GALNT13: variants seen among roughly 807,000 people sequenced by gnomAD.
GALNT13 encodes UDP-GalNAc:polypeptide N-acetylgalactosaminyltransferase 13.
In GALNT13, 28 loss-of-function variants were observed where a neutral mutation model predicts 64.2. The observed-to-expected ratio is 0.44, with a 90% CI of 0.32 to 0.60. The LOEUF (loss-of-function observed/expected upper bound fraction) is 0.60. GALNT13 is among the 20% of genes least tolerant of loss of function. The pLI is 0.05. For synonymous variants in GALNT13, 214 were observed against 224.6 expected (o/e 0.95, Z 0.42); for missense variants, 577 against 669.8 (o/e 0.86, Z 1.53).
At chr2:154,094,000 A>G (rs925519099) in intron 3 of GALNT13, among the ~76,000 whole-genome samples, 1 of 151,744 alleles carries the variant, frequency 6.6e-6, no homozygotes, top group African/African-American at 2.4e-5. Flanking sequence ...CATATTTCCT[A>G]TCTGTGGAGA....
chr2:153,114,165 T>G, the GALNT13 span, among the ~76,000 whole-genome samples: 1 of 152,092 alleles, frequency 6.6e-6, no homozygotes, highest in Non-Finnish European at 1.5e-5. Context: ...GAGATGATGC[T>G]TGACCTGCCT....
At chr2:153,511,552 A>G in the GALNT13 span, among the ~76,000 whole-genome samples, 1 of 152,166 alleles carries the variant, frequency 6.6e-6, no homozygotes. Flanking sequence ...TCTAGGAAAA[A>G]GGGAAAGTTA....
chr2:154,041,109 G>T, intron 3 of GALNT13, among the ~76,000 whole-genome samples: 1 of 139,902 alleles, frequency 7.1e-6, no homozygotes, highest in South Asian at 2.3e-4. Flanking sequence ...GATGAATAAG[G>T]ATAAGAAATT....
chr2:153,213,067 A>G, the GALNT13 span, among the ~76,000 whole-genome samples: 1 of 152,224 alleles, frequency 6.6e-6, no homozygotes, highest in African/African-American at 2.4e-5. Context: ...TGTATCGAGT[A>G]CCTACTATGG....
chr2:153,523,907 TTAAG>T, the GALNT13 span, among the ~76,000 whole-genome samples: 1 of 152,214 alleles, frequency 6.6e-6, no homozygotes, highest in African/African-American at 2.4e-5. Flanking sequence ...TTTCTCACTA[TTAAG>T]TATGATGTTA....
At chr2:153,745,554 C>G in the GALNT13 span, among the ~76,000 whole-genome samples, 1 of 152,054 alleles carries the variant, frequency 6.6e-6, no homozygotes, top group Non-Finnish European at 1.5e-5. Context: ...ATTTCCATTT[C>G]TAAATTCAAT....
chr2:153,274,639 G>T, the GALNT13 span, among the ~76,000 whole-genome samples: 1 of 152,184 alleles, frequency 6.6e-6, no homozygotes, highest in South Asian at 2.1e-4. Context: ...CAAAATTTCT[G>T]TATATAGCAG....
chr2:154,382,387 T>G (rs762923220), intron 9 of GALNT13, among the ~76,000 whole-genome samples: 19 of 152,104 alleles, frequency 1.2e-4, no homozygotes, highest in Non-Finnish European at 2.1e-4. Flanking sequence ...ATTTAGTGAT[T>G]ACTGAGAAGT....
At chr2:154,081,448 A>G (rs1423934884) in intron 3 of GALNT13, among the ~76,000 whole-genome samples, 2 of 151,538 alleles carry the variant, frequency 1.3e-5, no homozygotes, top group Admixed American at 1.3e-4. Context: ...CTGCTCACTC[A>G]TCATTTCCCT....
At chr2:154,249,289 T>A (rs1689945618) in intron 7 of GALNT13, among the ~76,000 whole-genome samples, 1 of 152,216 alleles carries the variant, frequency 6.6e-6, no homozygotes, top group Non-Finnish European at 1.5e-5. Context: ...CATACAAGCA[T>A]GGATAAGGCT....
chr2:154,102,540 T>C (rs1452740500), intron 3 of GALNT13, among the ~76,000 whole-genome samples: 1 of 151,936 alleles, frequency 6.6e-6, no homozygotes, highest in African/African-American at 2.4e-5. Flanking sequence ...GGGAGTGGGG[T>C]GAGGGATAAA....
intron 3 of GALNT13, among the ~76,000 whole-genome samples, chr2:154,089,814 T>C (rs1027882192): frequency 9.4e-5 from 8 of 85,172 alleles, no homozygotes; most frequent in Non-Finnish European, 1.2e-4. Flanking sequence ...ATATTACCCT[T>C]TTTTTTTTTT....
intron 6 of GALNT13, among the ~76,000 whole-genome samples, chr2:154,245,104 A>AAAATAAACAAAT (rs1689707086): frequency 7.3e-6 from 1 of 137,788 alleles, no homozygotes; most frequent in Non-Finnish European, 1.6e-5. Context: ...AGGCTCTGTC[A>AAAATAAACAAAT]AAATAAATAA....
the GALNT13 span, among the ~76,000 whole-genome samples, chr2:153,081,249 G>T: frequency 6.6e-6 from 1 of 151,774 alleles, no homozygotes; most frequent in East Asian, 1.9e-4. Flanking sequence ...TACATAGTAG[G>T]TGTATATATT....
the GALNT13 span, among the ~76,000 whole-genome samples, chr2:153,701,462 A>T: frequency 6.6e-6 from 1 of 152,240 alleles, no homozygotes; most frequent in Admixed American, 6.5e-5. Context: ...AAAATGCCAA[A>T]GCAGTTGCAA....
the GALNT13 span, among the ~76,000 whole-genome samples, chr2:153,498,908 C>A: frequency 6.6e-6 from 1 of 151,630 alleles, no homozygotes; most frequent in Non-Finnish European, 1.5e-5. Flanking sequence ...AGTGCAGTGG[C>A]GCGATCTCCG....
At chr2:153,605,393 C>G in the GALNT13 span, among the ~76,000 whole-genome samples, 208 of 152,112 alleles carry the variant, frequency 1.4e-3, no homozygotes, top group African/African-American at 4.9e-3. Flanking sequence ...GTCCTGTTTT[C>G]TCTGTTATTA....
At chr2:153,911,572 T>A (rs1476386087) in intron 2 of GALNT13, among the ~76,000 whole-genome samples, 1 of 152,206 alleles carries the variant, frequency 6.6e-6, no homozygotes, top group Non-Finnish European at 1.5e-5. Context: ...TATTTAGTGC[T>A]TTTTTCAGGA....
chr2:154,304,214 T>C (rs940928877), intron 9 of GALNT13, among the ~76,000 whole-genome samples: 1 of 152,202 alleles, frequency 6.6e-6, no homozygotes, highest in Admixed American at 6.5e-5. Flanking sequence ...GCCTCTTCTA[T>C]GTTAAAAAGC....
Sources: gnomAD v4.1 joint callset for allele counts (sites outside exome capture counted in the v4.1 genomes callset) on GRCh38, gnomAD v4.1.1 for gene constraint, MANE v1.5 for transcripts, NCBI Gene and HGNC (gene_info 2026-07-23, HGNC 2026-07-21) for gene names.